CTNNA2: variants seen among roughly 807,000 people sequenced by gnomAD.
CTNNA2 encodes the protein catenin alpha 2.
CTNNA2 carries 42 observed loss-of-function variants against 101.0 expected under a neutral mutation model. The observed-to-expected ratio is 0.42, with a 90% CI of 0.32 to 0.54. The LOEUF is 0.54. Ranked by LOEUF, CTNNA2 falls within the 20% of genes least tolerant of loss-of-function variation. CTNNA2 has a pLI of 0.14. For missense variants in CTNNA2, 871 were observed against 1,223.1 expected (o/e 0.71, Z 4.29); for synonymous variants, 450 against 456.4 (o/e 0.99, Z 0.18).
intron 7 of CTNNA2, among the ~76,000 whole-genome samples, chr2:80,232,373 T>G (rs1371142566): frequency 0.068 from 5,892 of 86,032 alleles, 367 homozygotes; most frequent in Admixed American, 0.13. Context: ...TTTTTTTTTT[T>G]TTTTTTTTTT....
chr2:79,278,795 TC>T (rs976744803), intron 2 of CTNNA2, among the ~76,000 whole-genome samples: 2 of 152,156 alleles, frequency 1.3e-5, no homozygotes, highest in Non-Finnish European at 2.9e-5. Context: ...GTTGAAGCCA[TC>T]AGGCAATACA....
chr2:80,588,556 T>C (rs1405117973), intron 14 of CTNNA2, among the ~76,000 whole-genome samples: 1 of 152,200 alleles, frequency 6.6e-6, no homozygotes, highest in Non-Finnish European at 1.5e-5. Flanking sequence ...GAAGAATCCA[T>C]GAATAAGAAG....
intron 7 of CTNNA2, among the ~76,000 whole-genome samples, chr2:80,312,210 C>A (rs1479343153): frequency 6.6e-6 from 1 of 152,216 alleles, no homozygotes; most frequent in Non-Finnish European, 1.5e-5. Context: ...CACACCTGGA[C>A]AGAGGAGGGG....
At chr2:80,387,819 T>C (rs1677153397) in intron 7 of CTNNA2, among the ~76,000 whole-genome samples, 1 of 152,188 alleles carries the variant, frequency 6.6e-6, no homozygotes, top group Non-Finnish European at 1.5e-5. Flanking sequence ...TGTAAAATAG[T>C]TCTCAAAGAC....
intron 7 of CTNNA2, among the ~76,000 whole-genome samples, chr2:79,933,235 T>TA (rs1248039920): frequency 6.6e-6 from 1 of 152,118 alleles, no homozygotes; most frequent in African/African-American, 2.4e-5. Context: ...GGGTTTAATA[T>TA]AAAAAAGGGG....
chr2:79,982,223 TA>T (rs1284002637), intron 7 of CTNNA2, among the ~76,000 whole-genome samples: 4 of 91,004 alleles, frequency 4.4e-5, no homozygotes, highest in African/African-American at 2.0e-4. Context: ...TATATATATA[TA>T]TATATATATA....
intron 7 of CTNNA2, among the ~76,000 whole-genome samples, chr2:80,161,098 G>A (rs1704286724): frequency 6.6e-6 from 1 of 152,092 alleles, no homozygotes; most frequent in African/African-American, 2.4e-5. Context: ...AGACTGCAGT[G>A]CAGGGATGTG....
intron 3 of CTNNA2, among the ~76,000 whole-genome samples, chr2:79,852,678 G>A (rs62141575): frequency 0.25 from 38,330 of 152,084 alleles, 5,080 homozygotes; most frequent in Non-Finnish European, 0.3. Flanking sequence ...TGCAACCTCC[G>A]CCTTCCGGGT....
chr2:79,340,377 A>C (rs1301051331), intron 3 of CTNNA2, among the ~76,000 whole-genome samples: 1 of 152,240 alleles, frequency 6.6e-6, no homozygotes, highest in Non-Finnish European at 1.5e-5. Flanking sequence ...TTCTGACCAT[A>C]GACAACAGAG....
At position 80,014,453 on chromosome 2, in the gene CTNNA2, G is replaced by A. The variant is rs1323062642; in HGVS notation, c.1056+104656G>A. 6.0e-5 allele frequency among the ~76,000 whole-genome samples: 9 copies of A among 151,208 alleles called. No homozygotes were observed. The East Asian group carries it at 1.8e-3, about 29-fold the overall frequency. ...TGAGACATATATTTTCTATAATAAA[G>A]CCTTATGCTTATGTAACTCTTGATG... On this transcript the variant is annotated intron_variant, in intron 7 of 18. Coordinates refer to ENST00000402739, the MANE Select transcript of CTNNA2 (RefSeq NM_001282597.3).
At chr2:80,333,572 C>T (rs1341051404) in intron 7 of CTNNA2, among the ~76,000 whole-genome samples, 2 of 152,164 alleles carry the variant, frequency 1.3e-5, no homozygotes, top group African/African-American at 4.8e-5. Flanking sequence ...CTGCATAATA[C>T]CATTGGTCAG....
At chr2:80,531,621 C>A (rs1690550277) in intron 9 of CTNNA2, among the ~76,000 whole-genome samples, 1 of 152,192 alleles carries the variant, frequency 6.6e-6, no homozygotes, top group Admixed American at 6.5e-5. Context: ...AGAGGTCCTT[C>A]TGGGTCTTCT....
At chr2:79,589,728 A>T (rs911826822) in intron 1 of CTNNA2, among the ~76,000 whole-genome samples, 1 of 149,530 alleles carries the variant, frequency 6.7e-6, no homozygotes, top group African/African-American at 2.5e-5. Context: ...CCCCCCCCCG[A>T]GACACGAATT....
At chr2:80,603,886 G>A in intron 15 of CTNNA2, 188 bp from the exon 16 acceptor site, 1 of 534,776 alleles carries the variant, frequency 1.9e-6, no homozygotes, top group South Asian at 2.7e-5. Flanking sequence ...ATAAAAATAT[G>A]GGAAAATATT....
chr2:79,549,738 T>C (rs527703487), intron 1 of CTNNA2, among the ~76,000 whole-genome samples: 1 of 152,294 alleles, frequency 6.6e-6, no homozygotes, highest in East Asian at 1.9e-4. Context: ...ACTCATCTGT[T>C]TTTTGTAGTG....
intron 2 of CTNNA2, among the ~76,000 whole-genome samples, chr2:79,693,127 A>G (rs1344008123): frequency 6.6e-6 from 1 of 152,060 alleles, no homozygotes; most frequent in African/African-American, 2.4e-5. Context: ...AGTTGGAAAG[A>G]CATTCCATGC....
intron 4 of CTNNA2, among the ~76,000 whole-genome samples, chr2:79,492,971 C>T (rs968983573): frequency 8.5e-5 from 13 of 152,066 alleles, no homozygotes; most frequent in African/African-American, 3.1e-4. Flanking sequence ...AACATCATTG[C>T]AATAAAAGCA....
intron 2 of CTNNA2, among the ~76,000 whole-genome samples, chr2:79,731,340 C>A (rs946944745): frequency 6.6e-6 from 1 of 152,032 alleles, no homozygotes; most frequent in Non-Finnish European, 1.5e-5. Flanking sequence ...GAGCCCTGTA[C>A]TCTCGAGTCA....
intron 7 of CTNNA2, among the ~76,000 whole-genome samples, chr2:80,232,299 C>T (rs1165148448): frequency 7.3e-6 from 1 of 137,882 alleles, no homozygotes; most frequent in Non-Finnish European, 1.5e-5. Context: ...TAAATCTCTT[C>T]AAATATTTTA....
Sources: allele counts gnomAD v4.1 joint callset (sites outside exome capture counted in the v4.1 genomes callset), GRCh38; gene constraint gnomAD v4.1.1; transcripts MANE v1.5; gene names NCBI Gene and HGNC (gene_info 2026-07-23, HGNC 2026-07-21).